Variants in SLC9A9 observed in about 807,000 individuals in gnomAD.
SLC9A9 encodes the protein solute carrier family 9 member A9, also known as sodium/hydrogen exchanger 9.
In SLC9A9, 62 loss-of-function variants were observed where a neutral mutation model predicts 77.8. That is an observed-to-expected ratio of 0.80 (90% confidence interval 0.65 to 0.98). SLC9A9 has a LOEUF of 0.98. Ranked by LOEUF, SLC9A9 falls within the 50% of genes least tolerant of loss-of-function variation. The pLI, the probability that SLC9A9 is intolerant of heterozygous loss-of-function variation, is 0.00. For synonymous variants in SLC9A9, 320 were observed against 283.5 expected (o/e 1.13, Z -1.29); for missense variants, 775 against 774.9 (o/e 1.00, Z 0.00).
intron 14 of SLC9A9, among the ~76,000 whole-genome samples, chr3:143,336,821 A>T (rs1243293340): frequency 6.7e-6 from 1 of 150,238 alleles, no homozygotes; most frequent in African/African-American, 2.5e-5. Context: ...TTTTACAACA[A>T]TGTGAATATA....
intron 11 of SLC9A9, among the ~76,000 whole-genome samples, chr3:143,471,967 T>C (rs2035385051): frequency 6.6e-6 from 1 of 152,254 alleles, no homozygotes; most frequent in Non-Finnish European, 1.5e-5. Flanking sequence ...TGCAGCTTCC[T>C]GTTTATCTTC....
intron 4 of SLC9A9, among the ~76,000 whole-genome samples, chr3:143,780,477 G>A (rs934324026): frequency 3.3e-5 from 5 of 152,190 alleles, no homozygotes; most frequent in Non-Finnish European, 7.3e-5. Context: ...CTCATTAAAA[G>A]TTTTTACGCA....
intron 11 of SLC9A9, among the ~76,000 whole-genome samples, chr3:143,471,545 A>G (rs983359218): frequency 6.6e-6 from 1 of 152,226 alleles, no homozygotes; most frequent in Non-Finnish European, 1.5e-5. Flanking sequence ...ATTATTTCCA[A>G]AAAACACACA....
At chr3:143,521,788 T>C (rs1204986397) in intron 9 of SLC9A9, among the ~76,000 whole-genome samples, 1 of 152,158 alleles carries the variant, frequency 6.6e-6, no homozygotes, top group Non-Finnish European at 1.5e-5. Flanking sequence ...AATTCATTTC[T>C]TATGTTTTTG....
chr3:143,688,515 A>G (rs1038028592), intron 5 of SLC9A9, among the ~76,000 whole-genome samples: 1 of 152,268 alleles, frequency 6.6e-6, no homozygotes, highest in Non-Finnish European at 1.5e-5. Context: ...TACGTATGGC[A>G]GAAGAGAACA....
chr3:143,759,576 G>A (rs189401315), intron 4 of SLC9A9, among the ~76,000 whole-genome samples: 3 of 152,038 alleles, frequency 2.0e-5, no homozygotes, highest in Admixed American at 2.0e-4. Flanking sequence ...CAGATCCTTT[G>A]AGTCCTGTCT....
intron 14 of SLC9A9, 43 bp downstream of exon 14, chr3:143,363,441 T>G (rs371325755): frequency 6.4e-7 from 1 of 1,569,094 alleles, no homozygotes; most frequent in Non-Finnish European, 8.8e-7. Context: ...AGTAATTCTC[T>G]GCCTGCAGCA....
At chr3:143,785,774 G>GA (rs1185064103) in intron 4 of SLC9A9, among the ~76,000 whole-genome samples, 4 of 140,660 alleles carry the variant, frequency 2.8e-5, no homozygotes, top group African/African-American at 1.0e-4. Context: ...GTCAAATCAA[G>GA]AAAAAAATGA....
chr3:143,754,591 T>C (rs1459944844), intron 4 of SLC9A9, among the ~76,000 whole-genome samples: 1 of 152,122 alleles, frequency 6.6e-6, no homozygotes, highest in Non-Finnish European at 1.5e-5. Flanking sequence ...AATAGGCTTT[T>C]CCCCATGTAA....
At chr3:143,419,306 G>C (rs923371113) in intron 12 of SLC9A9, among the ~76,000 whole-genome samples, 52 of 152,252 alleles carry the variant, frequency 3.4e-4, no homozygotes, top group African/African-American at 1.2e-3. Flanking sequence ...TGCAGGGGGG[G>C]CACAGAGAGC....
intron 4 of SLC9A9, among the ~76,000 whole-genome samples, chr3:143,696,204 T>C (rs1361231850): frequency 6.6e-6 from 1 of 152,182 alleles, no homozygotes; most frequent in Non-Finnish European, 1.5e-5. Flanking sequence ...GGTGTTTTAG[T>C]CATGAAGTCT....
chr3:143,801,576 C>G (rs768040240), intron 2 of SLC9A9, among the ~76,000 whole-genome samples: 23 of 152,138 alleles, frequency 1.5e-4, no homozygotes, highest in Non-Finnish European at 2.6e-4. Flanking sequence ...TCTCTCTGAT[C>G]CACCTGACAT....
At chr3:143,545,696 G>A (rs2036775707) in intron 9 of SLC9A9, among the ~76,000 whole-genome samples, 1 of 152,180 alleles carries the variant, frequency 6.6e-6, no homozygotes, top group Non-Finnish European at 1.5e-5. Flanking sequence ...AGTTTTTCCA[G>A]GAAGAAGCAT....
intron 5 of SLC9A9, among the ~76,000 whole-genome samples, chr3:143,676,549 C>G (rs1252300646): frequency 2.0e-5 from 3 of 152,034 alleles, no homozygotes; most frequent in African/African-American, 7.2e-5. Context: ...CCATCCTGCT[C>G]AACATGGTGA....
intron 4 of SLC9A9, among the ~76,000 whole-genome samples, chr3:143,728,544 A>AT (rs1227601420): frequency 2.0e-5 from 3 of 151,856 alleles, no homozygotes; most frequent in Non-Finnish European, 2.9e-5. Context: ...AGGTATTTGG[A>AT]TTTTTTCTGA....
rs370777728 is a variant in SLC9A9 at position 143,801,890 on chromosome 3, T to C, written c.379-4987A>G. Among the ~76,000 whole-genome samples, 127 of 152,110 alleles carry C rather than the reference T, an allele frequency of 8.3e-4. No homozygotes were observed. In the South Asian group the frequency reaches 0.014, roughly 16 times the overall value. ...ATGCTGTTATATAGGCTGAAAGAGG[T>C]TTCCTCACTACACAAGAGTCCTCCA... On this transcript the variant is annotated intron_variant, in intron 2 of 15. Coordinates refer to ENST00000316549, the MANE Select transcript of SLC9A9 (RefSeq NM_173653.4).
intron 14 of SLC9A9, among the ~76,000 whole-genome samples, chr3:143,276,244 C>G (rs1481906629): frequency 1.3e-5 from 2 of 152,240 alleles, no homozygotes; most frequent in Non-Finnish European, 2.9e-5. Context: ...AACTCCAGTT[C>G]TAAGGATGTT....
intron 5 of SLC9A9, among the ~76,000 whole-genome samples, chr3:143,683,350 C>A (rs1479969670): frequency 2.0e-5 from 3 of 152,104 alleles, no homozygotes; most frequent in Non-Finnish European, 2.9e-5. Context: ...GATATAGGAA[C>A]AATTAAATGA....
chr3:143,415,919 T>C (rs1425879465), intron 12 of SLC9A9, among the ~76,000 whole-genome samples: 1 of 152,206 alleles, frequency 6.6e-6, no homozygotes, highest in African/African-American at 2.4e-5. Flanking sequence ...AGAACATTCA[T>C]GATTCATGGA....
Sources: gnomAD v4.1 joint callset for allele counts (sites outside exome capture counted in the v4.1 genomes callset) on GRCh38, gnomAD v4.1.1 for gene constraint, MANE v1.5 for transcripts, NCBI Gene and HGNC (gene_info 2026-07-23, HGNC 2026-07-21) for gene names.